PDAP1: variants seen among roughly 807,000 people sequenced by gnomAD.
PDAP1 encodes 28 kDa heat- and acid-stable phosphoprotein.
In PDAP1, 13 loss-of-function variants were observed where a neutral mutation model predicts 28.0. The ratio of observed to expected loss-of-function variants is 0.46; its 90% confidence interval spans 0.30 to 0.74. PDAP1 has a LOEUF of 0.74. Ranked by LOEUF, PDAP1 falls within the 30% of genes least tolerant of loss-of-function variation. The pLI is 0.07. For synonymous variants in PDAP1, 77 were observed against 85.1 expected, an observed-to-expected ratio of 0.91 and a Z score of 0.52; for missense variants, 150 against 230.0, an observed-to-expected ratio of 0.65 and a Z score of 2.25.
At chr7:99,399,260 T>C (rs541996164) in intron 4 of PDAP1, among the ~76,000 whole-genome samples, 2 of 152,246 alleles carry the variant, frequency 1.3e-5, no homozygotes, top group South Asian at 4.1e-4. Context: ...AGATAATACC[T>C]GGCGAACCGC....
intron 1 of PDAP1, chr7:99,406,497 C>G: frequency 1.1e-6 from 1 of 880,554 alleles, no homozygotes; most frequent in Non-Finnish European, 1.4e-6. Flanking sequence ...CAGATGAAAA[C>G]AAACCTGACT....
intron 5 of PDAP1, among the ~76,000 whole-genome samples, chr7:99,397,457 C>T (rs1050196662): frequency 1.3e-5 from 2 of 152,214 alleles, no homozygotes; most frequent in African/African-American, 4.8e-5. Flanking sequence ...CCAGCTCACC[C>T]TCCCAAGCCC....
At position 99,395,715 on chromosome 7, in the gene PDAP1, C is replaced by G. The variant is rs575349926; in HGVS notation, c.*967G>C. 6.6e-6 allele frequency: 1 copy of G among 152,368 alleles called. No homozygotes were observed. The highest frequency in any genetic ancestry group is 6.5e-5 in the Admixed American group (1 of 15,300). 9.4% of individuals were successfully genotyped at this position (152,368 alleles called of 1,614,324 possible). ...CCTACAGGCCAGGCCAGGCCAGGAT[C>G]CTGGTGCTGCTTCAGCCTACTGTGG... On this transcript the variant is annotated 3_prime_UTR_variant, in exon 6 of 6. Coordinates refer to ENST00000350498, the MANE Select transcript of PDAP1 (RefSeq NM_014891.7).
intron 4 of PDAP1, among the ~76,000 whole-genome samples, chr7:99,399,254 A>G (rs1397790055): frequency 6.6e-6 from 1 of 152,042 alleles, no homozygotes; most frequent in Non-Finnish European, 1.5e-5. Flanking sequence ...CTGAGGAGAT[A>G]ATACCTGGCG....
chr7:99,400,157 G>C, intron 4 of PDAP1, 146 bp downstream of exon 4: 2 of 805,514 alleles, frequency 2.5e-6, no homozygotes, highest in Non-Finnish European at 3.9e-6. Flanking sequence ...AATTCTGTGT[G>C]GCTTTTTAAA....
In PDAP1 at chr7:99,396,481, A is replaced by G. The variant is rs575387745; in HGVS notation, c.*201T>C. On this transcript the variant is annotated 3_prime_UTR_variant, in exon 6 of 6. Coordinates refer to ENST00000350498, the MANE Select transcript of PDAP1 (RefSeq NM_014891.7). ...TGTCCTGCATCTTTCTGTCTCAAAG[A>G]TAGCAGCTACCCCTCCCCCAGTCCC... 112 of 608,838 alleles carry G rather than the reference A, an allele frequency of 1.8e-4. 1 individual carries two copies. In the African/African-American group the frequency reaches 2.0e-3, roughly 11 times the overall value. The allele number at this position is 608,838 out of a possible 1,614,324, so 37.7% of individuals were successfully genotyped here.
chr7:99,398,135 G>A lies in PDAP1; in HGVS notation c.336-122C>T, dbSNP rs1043284300. On this transcript the variant is annotated intron_variant, in intron 4 of 5. Transcript: ENST00000350498. ...CCGAGGTGGAAGGGGTGCCCTGGCT[G>A]TGAGTCCCTGCCTCCATGAACCCCC... The A allele has an allele frequency of 7.6e-6, 8 of 1,052,732 alleles. No homozygotes were observed. In the African/African-American group the frequency reaches 1.3e-4, roughly 16 times the overall value. 65.2% of individuals were successfully genotyped at this position (1,052,732 alleles called of 1,614,324 possible).
Position 99,400,145 on chromosome 7 carries a change from CAA to C in PDAP1, c.335+156_335+157del, listed in dbSNP as rs1186660397. 3.3e-5 allele frequency among the ~76,000 whole-genome samples: 5 copies of C among 152,330 alleles called. No homozygotes were observed. In the East Asian group the frequency reaches 9.6e-4, roughly 29 times the overall value. On this transcript the variant is annotated intron_variant, in intron 4 of 5. Coordinates refer to ENST00000350498, the MANE Select transcript of PDAP1 (RefSeq NM_014891.7). ...GATATCATGTATCAATTGGTGAAAACAAATTCTGTGTGGCTTTTTAAAGGCTA... is the reference window on the plus strand; with the variant it reads ...GATATCATGTATCAATTGGTGAAAACATTCTGTGTGGCTTTTTAAAGGCTA...
In PDAP1 at chr7:99,400,365, C is replaced by T; in HGVS notation, c.273G>A (p.Gln91=). 1.2e-6 allele frequency: 2 copies of T among 1,614,094 alleles called. No homozygotes were observed. Among genetic ancestry groups the T allele is most frequent in the Non-Finnish European group, 1.7e-6 (2 of 1,179,950 alleles). ...IDIENPNRVA[Q]TTKKVTQLDL... ...CCAGTTGTGTGACCTTTTTGGTTGT[C>T]TGTGCCACCCGGTTGGGGTTCTCGA... The change falls in exon 4 of 6, where the codon CAG becomes CAA. Residue 91 remains glutamine (Q), a synonymous_variant. Transcript: ENST00000350498.
rs371219946 is a variant in PDAP1, at chr7:99,396,280, G to A, written c.*402C>T. ...AATGAGCACCCAGGCAACACAGTCC[G>A]GGGCTGTGTGTAGCAAACCTGTCAG... On this transcript the variant is annotated 3_prime_UTR_variant, in exon 6 of 6. Transcript: ENST00000350498. The A allele has an allele frequency of 2.5e-5, 8 of 321,794 alleles. No individual in the cohort carries two copies. Among genetic ancestry groups the A allele is most frequent in the East Asian group, 2.0e-4 (2 of 9,770 alleles). 19.9% of individuals were successfully genotyped at this position (321,794 alleles called of 1,614,324 possible).
At chr7:99,397,045 A>G (rs1161026062) in intron 5 of PDAP1, among the ~76,000 whole-genome samples, 1 of 152,172 alleles carries the variant, frequency 6.6e-6, no homozygotes, top group Non-Finnish European at 1.5e-5. Context: ...GAACCCTGTA[A>G]TTCTAACCTC....
At chr7:99,403,651 C>T in intron 2 of PDAP1, 146 bp from the exon 3 acceptor site, 1 of 705,376 alleles carries the variant, frequency 1.4e-6, no homozygotes, top group Non-Finnish European at 2.6e-6. Flanking sequence ...CTACTGTGAC[C>T]CTGGCCCCCA....
chr7:99,401,901 T>C (rs779042274), intron 3 of PDAP1, among the ~76,000 whole-genome samples: 5 of 151,906 alleles, frequency 3.3e-5, no homozygotes, highest in African/African-American at 1.2e-4. Flanking sequence ...TTCACTGTGT[T>C]AGCCAGGATG....
intron 4 of PDAP1, among the ~76,000 whole-genome samples, chr7:99,399,232 C>T (rs1273159602): frequency 2.0e-5 from 3 of 152,172 alleles, no homozygotes; most frequent in African/African-American, 7.2e-5. Context: ...GAGCAGATGC[C>T]TCACTACAGA....
chr7:99,403,929 C>T (rs150118078), intron 2 of PDAP1, among the ~76,000 whole-genome samples: 14 of 152,284 alleles, frequency 9.2e-5, no homozygotes, highest in African/African-American at 1.7e-4. Flanking sequence ...GAGTCCTCTC[C>T]GCACTCCACT....
At position 99,394,796 on chromosome 7, in the gene PDAP1, A is replaced by T; in HGVS notation, c.*1886T>A. On this transcript the variant is annotated 3_prime_UTR_variant, in exon 6 of 6. Transcript: ENST00000350498. ...CAACTGTGTAAAAAAAAAAAAAAAA[A>T]AAAAAGTAATTATGGACATGCTTGC... 1 of 1,236,258 alleles carries T rather than the reference A, an allele frequency of 8.1e-7. No homozygotes were observed. Among genetic ancestry groups the T allele is most frequent in the African/African-American group, 1.6e-5 (1 of 64,266 alleles). The allele number at this position is 1,236,258 out of a possible 1,614,324, so 76.6% of individuals were successfully genotyped here.
At chr7:99,404,760 T>C (rs1794938610) in intron 2 of PDAP1, 102 bp downstream of exon 2, 1 of 853,568 alleles carries the variant, frequency 1.2e-6, no homozygotes, top group Admixed American at 2.3e-5. Flanking sequence ...ACGTGCTGGC[T>C]TGTCCCTGCG....
chr7:99,406,742 CTG>C (rs1794978991), intron 1 of PDAP1: 1 of 391,986 alleles, frequency 2.6e-6, no homozygotes, highest in Non-Finnish European at 3.5e-6. Flanking sequence ...AGCAGAGACT[CTG>C]TAATCAGCCA....
intron 3 of PDAP1, among the ~76,000 whole-genome samples, chr7:99,402,787 C>G (rs1794897152): frequency 6.8e-6 from 1 of 146,676 alleles, no homozygotes; most frequent in Non-Finnish European, 1.5e-5. Context: ...GAGGCTGGGG[C>G]AGAAGCGCTT....
Sources: allele counts gnomAD v4.1 joint callset (sites outside exome capture counted in the v4.1 genomes callset), GRCh38; gene constraint gnomAD v4.1.1; transcripts MANE v1.5; gene names NCBI Gene and HGNC (gene_info 2026-07-23, HGNC 2026-07-21).